The following RALY variants were observed in gnomAD, a reference collection of about 807,000 sequenced individuals.
RALY encodes RNA-binding protein Raly.
In RALY, 15 loss-of-function variants were observed where a neutral mutation model predicts 30.7. That is an observed-to-expected ratio of 0.49 (90% CI 0.33 to 0.75). The LOEUF is 0.75. Ranked by LOEUF, RALY falls within the 30% of genes least tolerant of loss-of-function variation. RALY has a pLI of 0.02. For missense variants in RALY, 339 were observed against 414.3 expected, an observed-to-expected ratio of 0.82 and a Z score of 1.58; for synonymous variants, 177 against 170.8, an observed-to-expected ratio of 1.04 and a Z score of -0.28.
intron 1 of RALY, among the ~76,000 whole-genome samples, chr20:34,004,729 A>C (rs918111533): frequency 2.0e-5 from 3 of 152,248 alleles, no homozygotes; most frequent in Non-Finnish European, 4.4e-5. Context: ...TCCAGTAAAC[A>C]GTCATACCTG....
intron 1 of RALY, among the ~76,000 whole-genome samples, chr20:34,007,818 C>A (rs2031227248): frequency 3.5e-5 from 2 of 57,688 alleles, no homozygotes; most frequent in Non-Finnish European, 6.1e-5. Flanking sequence ...GAAACTCCGT[C>A]TCAAAAAAAA....
At chr20:34,021,551 G>T (rs2031822981) in intron 1 of RALY, among the ~76,000 whole-genome samples, 1 of 152,194 alleles carries the variant, frequency 6.6e-6, no homozygotes, top group African/African-American at 2.4e-5. Flanking sequence ...TGAAGGCAGA[G>T]CCCTCATGCA....
intron 2 of RALY, among the ~76,000 whole-genome samples, chr20:34,032,115 G>A (rs762223549): frequency 2.0e-5 from 3 of 152,038 alleles, no homozygotes; most frequent in Non-Finnish European, 4.4e-5. Flanking sequence ...GGCATGCACC[G>A]CCATGCCTGG....
chr20:34,048,340 C>G (rs2032956258), intron 2 of RALY, among the ~76,000 whole-genome samples: 1 of 152,098 alleles, frequency 6.6e-6, no homozygotes, highest in Non-Finnish European at 1.5e-5. Context: ...GTCTCCTATG[C>G]TATGGAGCAT....
intron 1 of RALY, among the ~76,000 whole-genome samples, chr20:34,019,902 A>T (rs909490762): frequency 1.3e-5 from 2 of 152,070 alleles, no homozygotes; most frequent in African/African-American, 4.8e-5. Flanking sequence ...TCTACTAAAA[A>T]TACAAAAAAT....
At chr20:34,039,302 G>A (rs1053247752) in intron 2 of RALY, among the ~76,000 whole-genome samples, 1 of 152,222 alleles carries the variant, frequency 6.6e-6, no homozygotes, top group African/African-American at 2.4e-5. Context: ...AGATCATAAT[G>A]GCCTAGAAGG....
At chr20:33,999,787 C>A (rs1253868009) in intron 1 of RALY, among the ~76,000 whole-genome samples, 1 of 151,596 alleles carries the variant, frequency 6.6e-6, no homozygotes, top group Non-Finnish European at 1.5e-5. Context: ...TGGAGAGGGA[C>A]CCGGAAGGGT....
At chr20:34,018,652 G>T (rs1243015118) in intron 1 of RALY, among the ~76,000 whole-genome samples, 5 of 149,944 alleles carry the variant, frequency 3.3e-5, no homozygotes, top group Non-Finnish European at 7.4e-5. Context: ...GTTCTGTTCT[G>T]GGTTTAGAAG....
intron 1 of RALY, among the ~76,000 whole-genome samples, chr20:34,016,121 T>A (rs2268082): frequency 0.42 from 64,409 of 152,024 alleles, 16,323 homozygotes; most frequent in South Asian, 0.64. Context: ...TCTCTGCCCG[T>A]GCCAGATGCC....
chr20:34,027,863 A>G (rs1474876202), intron 1 of RALY, among the ~76,000 whole-genome samples: 1 of 152,252 alleles, frequency 6.6e-6, no homozygotes. Context: ...ATTGATAAAA[A>G]CATGTGATTA....
intron 1 of RALY, among the ~76,000 whole-genome samples, chr20:34,016,901 A>G (rs950581563): frequency 3.9e-5 from 6 of 152,230 alleles, no homozygotes; most frequent in African/African-American, 1.2e-4. Context: ...AAATGGATCA[A>G]TATGGGCCTG....
chr20:34,048,444 T>C (rs1368577312), intron 2 of RALY, among the ~76,000 whole-genome samples: 1 of 152,246 alleles, frequency 6.6e-6, no homozygotes, highest in East Asian at 1.9e-4. Context: ...GAGATCATAC[T>C]GTGTAACTCA....
At chr20:34,066,017 G>A (rs920425369) in intron 2 of RALY, among the ~76,000 whole-genome samples, 4 of 152,146 alleles carry the variant, frequency 2.6e-5, no homozygotes, top group Non-Finnish European at 5.9e-5. Context: ...GAGCACATGA[G>A]GGGTGACATG....
intron 1 of RALY, among the ~76,000 whole-genome samples, chr20:34,028,880 G>A (rs1409507181): frequency 1.3e-5 from 2 of 152,056 alleles, no homozygotes; most frequent in African/African-American, 4.8e-5. Context: ...ATGAGAGCTG[G>A]AAAGCCCACG....
At chr20:34,029,909 G>A (rs1000516696) in intron 1 of RALY, 1 of 152,190 alleles carries the variant, frequency 6.6e-6, no homozygotes. Context: ...CCAGTACCTA[G>A]TCTGTTTCCA....
intron 2 of RALY, among the ~76,000 whole-genome samples, chr20:34,069,093 A>G (rs2033656749): frequency 6.6e-6 from 1 of 152,198 alleles, no homozygotes; most frequent in African/African-American, 2.4e-5. Flanking sequence ...TCTACAGATC[A>G]GAAAACTGAT....
At position 34,075,893 on chromosome 20, in the gene RALY, C is replaced by T. The variant is rs770918306; in HGVS notation, c.397C>T (p.Arg133Cys). ...FYDRLFDYRG[R>C]LSPVPVPRAV... Reference sequence around the variant, plus strand: ...TCACAGGCTCTTCGACTACCGGGGCCGTCTGTCGCCCGTGCCAGTGCCCAG... The same window carrying T: ...TCACAGGCTCTTCGACTACCGGGGCTGTCTGTCGCCCGTGCCAGTGCCCAG... Residue 133 changes from arginine to cysteine, a missense_variant, in exon 6 of 10, where the codon CGT becomes TGT. Physicochemically the swap from Arg to Cys is radical, Grantham distance 180. Transcript: ENST00000246194. 21 of 1,613,470 alleles carry T rather than the reference C, an allele frequency of 1.3e-5. No individual in the cohort carries two copies. Among genetic ancestry groups the T allele is most frequent in the Non-Finnish European group, 1.4e-5 (17 of 1,179,648 alleles).
At chr20:34,000,532 T>A (rs1361354531) in intron 1 of RALY, among the ~76,000 whole-genome samples, 1 of 152,204 alleles carries the variant, frequency 6.6e-6, no homozygotes, top group Non-Finnish European at 1.5e-5. Context: ...GTGTCTTCTG[T>A]CATTTCATAA....
At chr20:34,070,951 GT>G (rs1368688417) in intron 2 of RALY, among the ~76,000 whole-genome samples, 1 of 152,180 alleles carries the variant, frequency 6.6e-6, no homozygotes, top group Non-Finnish European at 1.5e-5. Flanking sequence ...TACAATCATA[GT>G]GGAAGGCGAC....
Sources: gnomAD v4.1 joint callset for allele counts (sites outside exome capture counted in the v4.1 genomes callset) on GRCh38, gnomAD v4.1.1 for gene constraint, MANE v1.5 for transcripts, NCBI Gene and HGNC (gene_info 2026-07-23, HGNC 2026-07-21) for gene names.